Variants in TACR3 observed in about 807,000 individuals in gnomAD.
TACR3 encodes neuromedin-K receptor.
Under a neutral mutation model 35.0 loss-of-function variants are expected in TACR3, and 34 were observed. That is an observed-to-expected ratio of 0.97 (90% confidence interval 0.74 to 1.30). TACR3 has a LOEUF of 1.30. Among genes scored for constraint, TACR3 ranks in the 50% most tolerant of loss-of-function variants. TACR3 has a pLI of 0.00. For missense variants in TACR3, 558 were observed against 591.7 expected, an observed-to-expected ratio of 0.94 and a Z score of 0.59; for synonymous variants, 233 against 221.1, an observed-to-expected ratio of 1.05 and a Z score of -0.48.
chr4:103,700,141 A>G (rs946261257), intron 1 of TACR3, among the ~76,000 whole-genome samples: 5 of 152,178 alleles, frequency 3.3e-5, no homozygotes, highest in Admixed American at 1.3e-4. Context: ...AACAAAAAAC[A>G]CAACTCCTGA....
intron 3 of TACR3, among the ~76,000 whole-genome samples, chr4:103,592,668 A>T (rs111488471): frequency 0.012 from 1,873 of 152,308 alleles, 37 homozygotes; most frequent in African/African-American, 0.043. Flanking sequence ...AACAATTTTG[A>T]AGCTTACCTG....
intron 3 of TACR3, among the ~76,000 whole-genome samples, chr4:103,655,090 A>G (rs1253525822): frequency 6.6e-6 from 1 of 152,228 alleles, no homozygotes; most frequent in Non-Finnish European, 1.5e-5. Flanking sequence ...GAGTAAATTG[A>G]TCTGGGAAAG....
At chr4:103,668,906 C>T (rs77877902) in intron 1 of TACR3, among the ~76,000 whole-genome samples, 6,399 of 150,768 alleles carry the variant, frequency 0.042, 153 homozygotes, top group Non-Finnish European at 0.049. Context: ...TTGATAAAAT[C>T]GTATGATGTG....
intron 3 of TACR3, chr4:103,624,567 T>G (rs1444398330): frequency 6.6e-6 from 1 of 152,158 alleles, no homozygotes; most frequent in African/African-American, 2.4e-5. Context: ...CATAGCACTT[T>G]GGAATTTACA....
chr4:103,605,242 G>C (rs1724326306), intron 3 of TACR3, among the ~76,000 whole-genome samples: 1 of 128,308 alleles, frequency 7.8e-6, no homozygotes, highest in Non-Finnish European at 1.6e-5. Flanking sequence ...GGACATTTGG[G>C]TTGGTTCCAA....
chr4:103,713,517 A>C (rs1000627259), intron 1 of TACR3, among the ~76,000 whole-genome samples: 3 of 151,364 alleles, frequency 2.0e-5, no homozygotes, highest in Non-Finnish European at 4.4e-5. Context: ...AATATACCTA[A>C]TGTAAATGAC....
At chr4:103,614,542 T>C (rs945222863) in intron 3 of TACR3, among the ~76,000 whole-genome samples, 1 of 152,220 alleles carries the variant, frequency 6.6e-6, no homozygotes, top group Non-Finnish European at 1.5e-5. Flanking sequence ...CACAGTAGTG[T>C]ACTGCAGTGC....
chr4:103,636,350 G>A lies in TACR3; in HGVS notation c.888+19844C>T, dbSNP rs80181548. Among the ~76,000 whole-genome samples, 54 of 129,238 alleles carry A rather than the reference G, an allele frequency of 4.2e-4. 1 individual carries two copies. In the East Asian group the frequency reaches 0.011, roughly 27 times the overall value. 84.8% of individuals were successfully genotyped at this position (129,238 alleles called of 152,430 possible). On this transcript the variant is annotated intron_variant, in intron 3 of 4. Transcript: ENST00000304883. ...CATCTCACTTTGGTAAGTATGTGCAGTCCCAGCTTCATGAGTTTTTTTCTG... is the reference window on the plus strand; with the variant it reads ...CATCTCACTTTGGTAAGTATGTGCAATCCCAGCTTCATGAGTTTTTTTCTG...
intron 1 of TACR3, among the ~76,000 whole-genome samples, chr4:103,705,657 C>G (rs1722771261): frequency 1.3e-5 from 2 of 152,208 alleles, no homozygotes; most frequent in South Asian, 2.1e-4. Context: ...TGGAAAGTGT[C>G]TCTGTAAAAG....
Position 103,719,574 on chromosome 4 carries a change from C to G in TACR3, c.102G>C (p.Thr34=). The change falls in exon 1 of 5, where the codon ACG becomes ACC. Residue 34 remains threonine (T), a synonymous_variant. Coordinates refer to ENST00000304883, the MANE Select transcript of TACR3 (RefSeq NM_001059.3). ...LTASLAAGAA[T]GAVETGWLQL... The stretch of plus-strand genomic sequence containing the variant: ...GCAGCCACCCAGTCTCAACTGCCCC[C>G]GTGGCCGCCCCGGCAGCTAGCGAGG... The G allele has an allele frequency of 6.2e-7, 1 of 1,610,072 alleles. No homozygotes were observed. The highest frequency in any genetic ancestry group is 8.5e-7 in the Non-Finnish European group (1 of 1,177,254).
intron 3 of TACR3, among the ~76,000 whole-genome samples, chr4:103,630,358 A>G (rs1725030143): frequency 6.6e-6 from 1 of 152,242 alleles, no homozygotes; most frequent in South Asian, 2.1e-4. Flanking sequence ...TAAACTAAAG[A>G]GCTTCTGTAC....
chr4:103,636,464 C>T (rs1031334384), intron 3 of TACR3, among the ~76,000 whole-genome samples: 2 of 152,022 alleles, frequency 1.3e-5, no homozygotes, highest in Admixed American at 6.6e-5. Context: ...TGATGTTATA[C>T]ATTTTGGTTG....
Position 103,670,860 on chromosome 4 carries a change from A to C in TACR3, c.549-12457T>G, listed in dbSNP as rs556702175. On this transcript the variant is annotated intron_variant, in intron 1 of 4. Transcript: ENST00000304883. ...GAATTCCAGTACTATGTTGAATAAA[A>C]ATGGTGAAAATGGGCATCCTTGTCT... Among the ~76,000 whole-genome samples, 18 of 152,210 alleles carry C rather than the reference A, an allele frequency of 1.2e-4. No individual in the cohort carries two copies. The East Asian group carries it at 2.9e-3, about 24-fold the overall frequency.
At chr4:103,631,976 C>G (rs1401363156) in intron 3 of TACR3, among the ~76,000 whole-genome samples, 2 of 152,018 alleles carry the variant, frequency 1.3e-5, no homozygotes, top group Admixed American at 6.6e-5. Flanking sequence ...AATAGCTGTG[C>G]GAGCTTATTG....
intron 1 of TACR3, among the ~76,000 whole-genome samples, chr4:103,669,486 T>C (rs1726006332): frequency 6.6e-6 from 1 of 152,176 alleles, no homozygotes; most frequent in Non-Finnish European, 1.5e-5. Flanking sequence ...TCCTTTGTTC[T>C]GCATCCTCAT....
At chr4:103,628,841 A>ACAAG in intron 3 of TACR3, among the ~76,000 whole-genome samples, 1 of 151,240 alleles carries the variant, frequency 6.6e-6, no homozygotes. Flanking sequence ...CAGAGATAAA[A>ACAAG]AGAATTTTAG....
In TACR3 at chr4:103,660,878, G is replaced by C. The variant is rs567719447; in HGVS notation, c.549-2475C>G. ...AAAAATTGATTGTTAACCATAACTAGGGTACATAATGTATGTAATAGGGTT... is the reference window on the plus strand; with the variant it reads ...AAAAATTGATTGTTAACCATAACTACGGTACATAATGTATGTAATAGGGTT... On this transcript the variant is annotated intron_variant, in intron 1 of 4. Transcript: ENST00000304883. 7.2e-5 allele frequency among the ~76,000 whole-genome samples: 11 copies of C among 151,970 alleles called. No homozygotes were observed. In the East Asian group the frequency reaches 1.9e-3, roughly 27 times the overall value.
At chr4:103,597,940 T>G (rs1411315887) in intron 3 of TACR3, among the ~76,000 whole-genome samples, 1 of 152,216 alleles carries the variant, frequency 6.6e-6, no homozygotes, top group Non-Finnish European at 1.5e-5. Context: ...TATAACAGCA[T>G]GATTTATAAT....
chr4:103,710,254 G>T (rs779025551), intron 1 of TACR3, among the ~76,000 whole-genome samples: 1 of 152,148 alleles, frequency 6.6e-6, no homozygotes, highest in Non-Finnish European at 1.5e-5. Flanking sequence ...CACACCGTTG[G>T]AAGTAAAGCA....
Sources: allele counts gnomAD v4.1 joint callset (sites outside exome capture counted in the v4.1 genomes callset), GRCh38; gene constraint gnomAD v4.1.1; transcripts MANE v1.5; gene names NCBI Gene and HGNC (gene_info 2026-07-23, HGNC 2026-07-21).